MYO1E: variants seen among roughly 807,000 people sequenced by gnomAD.
The protein encoded by MYO1E is myosin IE, also known as unconventional myosin-Ie.
A neutral mutation model predicts 151.1 loss-of-function variants in MYO1E; 68 were observed. The ratio of observed to expected loss-of-function variants is 0.45; its 90% CI spans 0.37 to 0.55. The LOEUF (loss-of-function observed/expected upper bound fraction) is 0.55. Among genes scored for constraint, MYO1E ranks in the 20% least tolerant of loss-of-function variants. MYO1E has a pLI of 0.00. For synonymous variants in MYO1E, 601 were observed against 501.7 expected (o/e 1.20, Z -2.64); for missense variants, 1,363 against 1,389.3 (o/e 0.98, Z 0.30).
chr15:59,227,342 G>A, intron 7 of MYO1E, 117 bp downstream of exon 7: 1 of 1,217,020 alleles, frequency 8.2e-7, no homozygotes, highest in East Asian at 2.4e-5. Flanking sequence ...ACTTGTACAT[G>A]GTATCATCAT....
chr15:59,158,232 A>G (rs1260836021), intron 25 of MYO1E, 55 bp downstream of exon 25: 2 of 1,402,148 alleles, frequency 1.4e-6, no homozygotes, highest in Non-Finnish European at 9.9e-7. Context: ...AACATATTTT[A>G]TAAGTTATGG....
At chr15:59,216,592 G>GTATCTATCTA (rs55698726) in intron 10 of MYO1E, among the ~76,000 whole-genome samples, 20,626 of 102,042 alleles carry the variant, frequency 0.2, 2,732 homozygotes, top group Non-Finnish European at 0.28. Context: ...GTGTGTGTGT[G>GTATCTATCTA]TGTATCTATC....
chr15:59,154,298 T>C (rs1340883528), intron 25 of MYO1E, among the ~76,000 whole-genome samples: 1 of 152,212 alleles, frequency 6.6e-6, no homozygotes. Context: ...GGCAGGAGCC[T>C]GCTGTGTGAG....
At chr15:59,239,182 G>C (rs1208574703) in intron 4 of MYO1E, among the ~76,000 whole-genome samples, 1 of 150,024 alleles carries the variant, frequency 6.7e-6, no homozygotes, top group Non-Finnish European at 1.5e-5. Flanking sequence ...CTCCATCCTG[G>C]GCAACAAGAA....
chr15:59,189,654 A>G (rs1401952849), intron 17 of MYO1E, among the ~76,000 whole-genome samples: 1 of 152,152 alleles, frequency 6.6e-6, no homozygotes, highest in African/African-American at 2.4e-5. Context: ...GGCTCTCTGC[A>G]AACTCCGCCT....
intron 15 of MYO1E, among the ~76,000 whole-genome samples, chr15:59,203,205 G>C (rs2079812676): frequency 6.6e-6 from 1 of 152,138 alleles, no homozygotes; most frequent in African/African-American, 2.4e-5. Context: ...GGGCCGAGGA[G>C]GGCGCCTCTT....
intron 1 of MYO1E, among the ~76,000 whole-genome samples, chr15:59,354,912 G>C (rs2080845405): frequency 6.6e-6 from 1 of 152,156 alleles, no homozygotes; most frequent in South Asian, 2.1e-4. Context: ...ATCCTGTTCT[G>C]TGAAAAGAAA....
At chr15:59,191,014 G>T (rs1366665270) in intron 17 of MYO1E, among the ~76,000 whole-genome samples, 1 of 152,120 alleles carries the variant, frequency 6.6e-6, no homozygotes, top group Non-Finnish European at 1.5e-5. Flanking sequence ...GACAGATGAA[G>T]CTCGAAGTGG....
intron 1 of MYO1E, among the ~76,000 whole-genome samples, chr15:59,357,395 A>T (rs1426559998): frequency 6.6e-6 from 1 of 151,768 alleles, no homozygotes; most frequent in Non-Finnish European, 1.5e-5. Context: ...TTATAGATAA[A>T]GTGCTCATGA....
At chr15:59,314,991 A>C (rs1379240638) in intron 1 of MYO1E, among the ~76,000 whole-genome samples, 1 of 151,996 alleles carries the variant, frequency 6.6e-6, no homozygotes, top group African/African-American at 2.4e-5. Context: ...TCCATGAGTA[A>C]CCTTTTGATT....
intron 4 of MYO1E, among the ~76,000 whole-genome samples, chr15:59,247,903 C>G (rs1448668824): frequency 6.6e-6 from 1 of 152,220 alleles, no homozygotes; most frequent in African/African-American, 2.4e-5. Context: ...AGGCAGATCA[C>G]TTGAGGTCAG....
chr15:59,360,274 C>G (rs769087350), intron 1 of MYO1E, among the ~76,000 whole-genome samples: 2 of 152,062 alleles, frequency 1.3e-5, no homozygotes, highest in East Asian at 1.9e-4. Context: ...ATAGCAAAAT[C>G]TGTGGCTCAC....
intron 1 of MYO1E, among the ~76,000 whole-genome samples, chr15:59,302,330 T>C (rs1173378792): frequency 6.6e-6 from 1 of 152,198 alleles, no homozygotes; most frequent in Non-Finnish European, 1.5e-5. Flanking sequence ...GACATTAACA[T>C]GCCATCTTGA....
chr15:59,370,693 T>G (rs2080939709), intron 1 of MYO1E, among the ~76,000 whole-genome samples: 1 of 152,244 alleles, frequency 6.6e-6, no homozygotes, highest in African/African-American at 2.4e-5. Context: ...AAGCATGGTA[T>G]CACAGGTTTC....
At chr15:59,272,952 A>C (rs1885864793) in intron 1 of MYO1E, among the ~76,000 whole-genome samples, 1 of 152,246 alleles carries the variant, frequency 6.6e-6, no homozygotes, top group Non-Finnish European at 1.5e-5. Flanking sequence ...GTATCACACA[A>C]AGGCTATGTC....
intron 9 of MYO1E, chr15:59,218,355 G>C (rs1328596381): frequency 3.4e-6 from 2 of 591,324 alleles, no homozygotes; most frequent in Admixed American, 4.3e-5. Context: ...AGGGATTCAA[G>C]AAGGATGGCA....
intron 9 of MYO1E, among the ~76,000 whole-genome samples, chr15:59,219,972 G>A (rs878907197): frequency 6.6e-6 from 1 of 152,260 alleles, no homozygotes; most frequent in Non-Finnish European, 1.5e-5. Context: ...TGTGCACAGA[G>A]TAAGGACAGA....
rs571528552 is a variant in MYO1E at position 59,230,510 on chromosome 15, T to C, written c.510+1192A>G. ...AGTTAAATTTGGTCAAGTCCATTTT[T>C]ATAAGATTTAGATTGAAAATTAATT... is the stretch of plus-strand genomic sequence containing the variant. On this transcript the variant is annotated intron_variant, in intron 6 of 27. Coordinates refer to ENST00000288235, the MANE Select transcript of MYO1E (RefSeq NM_004998.4). 2.9e-4 allele frequency among the ~76,000 whole-genome samples: 44 copies of C among 152,302 alleles called. 1 individual carries two copies. The South Asian group carries it at 8.9e-3, about 31-fold the overall frequency.
intron 1 of MYO1E, among the ~76,000 whole-genome samples, chr15:59,311,736 G>T (rs1294359337): frequency 6.6e-6 from 1 of 152,182 alleles, no homozygotes; most frequent in African/African-American, 2.4e-5. Context: ...AGTGCTGAAG[G>T]TAGAAAAAGG....
Sources: gnomAD v4.1 joint callset for allele counts (sites outside exome capture counted in the v4.1 genomes callset) on GRCh38, gnomAD v4.1.1 for gene constraint, MANE v1.5 for transcripts, NCBI Gene and HGNC (gene_info 2026-07-23, HGNC 2026-07-21) for gene names.